ITPRID1: variants seen among roughly 807,000 people sequenced by gnomAD.
The protein encoded by ITPRID1 is protein ITPRID1.
In ITPRID1, 96 loss-of-function variants were observed where a neutral mutation model predicts 95.4. That is an observed-to-expected ratio of 1.01 (90% CI 0.85 to 1.19). The LOEUF is 1.19. Ranked by LOEUF, ITPRID1 falls within the 50% of genes most tolerant of loss-of-function variation. The pLI is 0.00. For synonymous variants in ITPRID1, 510 were observed against 453.6 expected (o/e 1.12, Z -1.58); for missense variants, 1,339 against 1,252.9 (o/e 1.07, Z -1.04).
At chr7:31,526,848 A>C (rs1783437969) in intron 1 of ITPRID1, among the ~76,000 whole-genome samples, 3 of 152,052 alleles carry the variant, frequency 2.0e-5, no homozygotes, top group Non-Finnish European at 4.4e-5. Context: ...TCCTTTTTTC[A>C]GTCTTGTTGC....
chr7:31,615,179 T>C (rs926131478), intron 10 of ITPRID1, among the ~76,000 whole-genome samples: 4 of 152,190 alleles, frequency 2.6e-5, no homozygotes, highest in Admixed American at 2.0e-4. Context: ...ACACATACTG[T>C]AGATATTTTC....
Position 31,651,172 on chromosome 7 carries a change from AC to A in ITPRID1, c.2615del (p.Thr872ArgfsTer10), listed in dbSNP as rs1452221637. 6.2e-7 allele frequency: 1 copy of A among 1,613,534 alleles called. No individual in the cohort carries two copies. The highest frequency in any genetic ancestry group is 1.1e-5 in the South Asian group (1 of 91,054). ...AGTCCATGAGATGGAAGCCATGAAGACGATATGCCAAAGTTTCCGGGAGTAT... is the reference window on the plus strand; with the variant it reads ...AGTCCATGAGATGGAAGCCATGAAGAGATATGCCAAAGTTTCCGGGAGTAT... The part of the protein sequence containing the change: ...CTVHEMEAMK[T>X]ICQSFREYLE... On this transcript the variant is annotated frameshift_variant, in exon 13 of 15. Coordinates refer to ENST00000615280, the MANE Select transcript of ITPRID1 (RefSeq NM_001257967.3). LOFTEE classifies it high-confidence loss of function.
chr7:31,642,451 T>C (rs977158626), intron 11 of ITPRID1, among the ~76,000 whole-genome samples, 193 bp downstream of exon 11: 2 of 152,220 alleles, frequency 1.3e-5, no homozygotes, highest in Admixed American at 1.3e-4. Context: ...GGAGTCATAT[T>C]AGACAAGGTG....
At chr7:31,622,493 A>G (rs38351) in intron 10 of ITPRID1, among the ~76,000 whole-genome samples, 138,835 of 148,546 alleles carry the variant, frequency 0.93, 65,191 homozygotes, top group East Asian at 0.99. Flanking sequence ...TGAACAACCT[A>G]CTCCTGAATG....
chr7:31,614,399 T>G (rs1787019922), intron 10 of ITPRID1, among the ~76,000 whole-genome samples: 1 of 152,114 alleles, frequency 6.6e-6, no homozygotes, highest in South Asian at 2.1e-4. Flanking sequence ...CATGCAGAGT[T>G]TCAGATTTAC....
At chr7:31,584,252 T>C (rs976467518) in intron 10 of ITPRID1, among the ~76,000 whole-genome samples, 2 of 152,244 alleles carry the variant, frequency 1.3e-5, no homozygotes, top group African/African-American at 4.8e-5. Context: ...AACACATCTT[T>C]TTCATTACAA....
chr7:31,514,438 G>A (rs1201089188), intron 1 of ITPRID1, among the ~76,000 whole-genome samples: 1 of 152,162 alleles, frequency 6.6e-6, no homozygotes, highest in Non-Finnish European at 1.5e-5. Context: ...AATGTAAGAA[G>A]GAATATTGAG....
At chr7:31,519,661 C>A in intron 1 of ITPRID1, among the ~76,000 whole-genome samples, 2 of 91,068 alleles carry the variant, frequency 2.2e-5, no homozygotes, top group Admixed American at 1.4e-4. Context: ...TTATGTTATC[C>A]TGCTGGTATT....
chr7:31,567,741 T>C (rs1784850302), intron 5 of ITPRID1, among the ~76,000 whole-genome samples: 1 of 152,148 alleles, frequency 6.6e-6, no homozygotes, highest in Non-Finnish European at 1.5e-5. Context: ...CTTATGATGA[T>C]AGTTACATTT....
At chr7:31,635,871 C>G in intron 10 of ITPRID1, among the ~76,000 whole-genome samples, 1 of 152,116 alleles carries the variant, frequency 6.6e-6, no homozygotes. Context: ...AGCAAACCAC[C>G]ATGGCACAAG....
chr7:31,628,521 G>C (rs892627695), intron 10 of ITPRID1, among the ~76,000 whole-genome samples: 1 of 150,330 alleles, frequency 6.7e-6, no homozygotes, highest in African/African-American at 2.5e-5. Context: ...ACAGTGGCGC[G>C]ACCTCAGCTC....
At chr7:31,556,898 A>G (rs1784466125) in intron 5 of ITPRID1, among the ~76,000 whole-genome samples, 1 of 151,982 alleles carries the variant, frequency 6.6e-6, no homozygotes. Context: ...CCCAAAATCA[A>G]GGTGTCACCA....
At chr7:31,633,030 G>A (rs893722548) in intron 10 of ITPRID1, among the ~76,000 whole-genome samples, 7 of 152,036 alleles carry the variant, frequency 4.6e-5, no homozygotes, top group Non-Finnish European at 7.4e-5. Context: ...GGGATTACAG[G>A]TGGGCACCAT....
intron 10 of ITPRID1, among the ~76,000 whole-genome samples, chr7:31,583,407 C>A (rs1785477426): frequency 6.6e-6 from 1 of 152,104 alleles, no homozygotes; most frequent in South Asian, 2.1e-4. Context: ...GTGGGGATCG[C>A]CTGAGGTCAG....
At chr7:31,539,266 C>G (rs1026794173) in intron 1 of ITPRID1, among the ~76,000 whole-genome samples, 5 of 152,122 alleles carry the variant, frequency 3.3e-5, no homozygotes, top group African/African-American at 1.2e-4. Context: ...CTCACTGCAG[C>G]CTCAACCTTC....
At chr7:31,657,603 G>C (rs1453649874), downstream of ITPRID1, among the ~76,000 whole-genome samples, 1 of 152,116 alleles carries the variant, frequency 6.6e-6, no homozygotes, top group Non-Finnish European at 1.5e-5. Flanking sequence ...ATAATGGCAA[G>C]AGCCCTTCTG....
At position 31,554,568 on chromosome 7, in the gene ITPRID1, A is replaced by G. The variant is rs764636129; in HGVS notation, c.212+45A>G. The G allele has an allele frequency of 3.1e-6, 5 of 1,606,836 alleles. No homozygotes were observed. The South Asian group carries it at 5.6e-5, about 18-fold the overall frequency. On this transcript the variant is annotated intron_variant, in intron 4 of 14. Transcript: ENST00000615280. The stretch of plus-strand genomic sequence containing the variant: ...TGTGCCTTACATGTTTCTCTTGCAA[A>G]GATCCATGAAAACAATGTGTGTAAC...
chr7:31,531,885 G>T (rs10279999), intron 1 of ITPRID1, among the ~76,000 whole-genome samples: 88,660 of 151,932 alleles, frequency 0.58, 26,932 homozygotes, highest in Middle Eastern at 0.71. Context: ...TTTGGGTCAG[G>T]GAGATGAGGA....
chr7:31,561,931 C>A (rs180993347), intron 5 of ITPRID1, among the ~76,000 whole-genome samples: 13 of 150,346 alleles, frequency 8.6e-5, no homozygotes, highest in African/African-American at 2.9e-4. Flanking sequence ...CATTCAGAGT[C>A]TTTTTGAGGT....
Sources: gnomAD v4.1 joint callset for allele counts (sites outside exome capture counted in the v4.1 genomes callset) on GRCh38, gnomAD v4.1.1 for gene constraint, MANE v1.5 for transcripts, NCBI Gene and HGNC (gene_info 2026-07-23, HGNC 2026-07-21) for gene names.